Variants in FOXJ3 observed in about 807,000 individuals in gnomAD.
FOXJ3 encodes forkhead box protein J3.
In FOXJ3, 22 loss-of-function variants were observed where a neutral mutation model predicts 76.1. The ratio of observed to expected loss-of-function variants is 0.29; its 90% CI spans 0.21 to 0.41. The LOEUF (loss-of-function observed/expected upper bound fraction) is 0.41. Among genes scored for constraint, FOXJ3 ranks in the 10% least tolerant of loss-of-function variants. The pLI is 1.00. For missense variants in FOXJ3, 613 were observed against 762.1 expected (o/e 0.80, Z 2.30); for synonymous variants, 269 against 261.2 (o/e 1.03, Z -0.29).
intron 2 of FOXJ3, 128 bp from the exon 3 acceptor site, chr1:42,278,800 T>G (rs989842283): frequency 1.5e-6 from 1 of 664,722 alleles, no homozygotes; most frequent in East Asian, 2.6e-5. Context: ...GGAAAAAGAT[T>G]GAGTATGTTA....
chr1:42,323,585 G>A, intron 1 of FOXJ3: 1 of 367,890 alleles, frequency 2.7e-6, no homozygotes, highest in South Asian at 1.1e-4. Flanking sequence ...CGAAGCTTTT[G>A]TCATCATCAT....
rs1646489118 is a variant in FOXJ3, at chr1:42,188,902, C to T, written c.1480G>A (p.Asp494Asn). Residue 494 changes from aspartate (D) to asparagine (N), a missense_variant, in exon 11 of 13, where the codon GAT becomes AAT. Asp to Asn is a conservative substitution (Grantham distance 23, BLOSUM62 1). This residue lies in a region of FOXJ3 where 526 missense variants were observed against 601.4 expected (regional missense o/e 0.87). Coordinates refer to ENST00000361346, the MANE Select transcript of FOXJ3 (RefSeq NM_014947.5). ...TGGTCTAAAGACCAGTTCTTGAGAT[C>T]TGCCTGTCTCATACTCTCCATCAGA... is the stretch of plus-strand genomic sequence containing the variant. The part of the protein sequence containing the change: ...QGLMESMRQA[D>N]LKNWSLDQVQ... 6.2e-7 allele frequency: 1 copy of T among 1,610,140 alleles called. No individual in the cohort carries two copies. Among genetic ancestry groups the T allele is most frequent in the Non-Finnish European group, 8.5e-7 (1 of 1,177,396 alleles).
At chr1:42,209,684 A>G (rs1646928667) in intron 5 of FOXJ3, among the ~76,000 whole-genome samples, 1 of 152,324 alleles carries the variant, frequency 6.6e-6, no homozygotes, top group Middle Eastern at 3.4e-3. Context: ...TGGGGAGAAT[A>G]TGAGGAGAAG....
At chr1:42,278,718 T>A in intron 2 of FOXJ3, 46 bp from the exon 3 acceptor site, 2 of 1,346,950 alleles carry the variant, frequency 1.5e-6, no homozygotes, top group Non-Finnish European at 2.1e-6. Flanking sequence ...AAAGAACCCC[T>A]GCTTCTCAAA....
At chr1:42,294,386 A>G (rs1184728940) in intron 2 of FOXJ3, among the ~76,000 whole-genome samples, 1 of 152,210 alleles carries the variant, frequency 6.6e-6, no homozygotes, top group Non-Finnish European at 1.5e-5. Context: ...ACCTGATTCA[A>G]GCTGTTTACC....
intron 2 of FOXJ3, among the ~76,000 whole-genome samples, chr1:42,279,328 T>C (rs1652523679): frequency 6.6e-6 from 1 of 151,618 alleles, no homozygotes; most frequent in Non-Finnish European, 1.5e-5. Flanking sequence ...GAGAGAAAAA[T>C]TAAATTAGGC....
chr1:42,208,004 T>A lies in FOXJ3; in HGVS notation c.529-2141A>T, dbSNP rs538170596. On this transcript the variant is annotated intron_variant, in intron 5 of 12. Transcript: ENST00000361346. ...ACTCAGTCATCTCAGTCTGAACTAT[T>A]GGTTCACTAATTCTCATTCTTCCCT... 5.3e-5 allele frequency among the ~76,000 whole-genome samples: 8 copies of A among 152,372 alleles called. No homozygotes were observed. The South Asian group carries it at 1.7e-3, about 32-fold the overall frequency.
At chr1:42,288,051 C>G (rs554075778) in intron 2 of FOXJ3, among the ~76,000 whole-genome samples, 5 of 152,288 alleles carry the variant, frequency 3.3e-5, no homozygotes, top group African/African-American at 1.2e-4. Context: ...CTATAATTCT[C>G]ATCTTCAAAA....
intron 5 of FOXJ3, among the ~76,000 whole-genome samples, chr1:42,222,586 T>C (rs1177664733): frequency 6.6e-6 from 1 of 152,198 alleles, no homozygotes; most frequent in East Asian, 1.9e-4. Flanking sequence ...CTGATAAGCA[T>C]GAATTTTTAT....
At chr1:42,294,106 G>A (rs1653621128) in intron 2 of FOXJ3, among the ~76,000 whole-genome samples, 1 of 152,100 alleles carries the variant, frequency 6.6e-6, no homozygotes, top group South Asian at 2.1e-4. Flanking sequence ...AGGATACTCT[G>A]GATGTTCTAA....
In FOXJ3 at chr1:42,191,731, G is replaced by C. The variant is rs755520838; in HGVS notation, c.935-12C>G. 6.2e-7 allele frequency: 1 copy of C among 1,603,090 alleles called. No individual in the cohort carries two copies. Among genetic ancestry groups the C allele is most frequent in the Non-Finnish European group, 8.5e-7 (1 of 1,170,882 alleles). On this transcript the variant is annotated splice_polypyrimidine_tract_variant and intron_variant, in intron 8 of 12. Transcript: ENST00000361346. ...GATGTTCATCAAACCTAAAAACAAA[G>C]CAAGATCATTTATGGTCAGATTTCA...
chr1:42,287,528 A>C (rs551288059), intron 2 of FOXJ3, among the ~76,000 whole-genome samples: 1 of 152,084 alleles, frequency 6.6e-6, no homozygotes, highest in South Asian at 2.1e-4. Flanking sequence ...AACTTCTCCA[A>C]CTCTTCTCAC....
intron 5 of FOXJ3, among the ~76,000 whole-genome samples, chr1:42,222,185 C>T (rs781359390): frequency 1.3e-4 from 20 of 151,470 alleles, no homozygotes; most frequent in Admixed American, 3.9e-4. Flanking sequence ...ACCTGTCTTG[C>T]GCTTTGAGGG....
chr1:42,183,879 T>C (rs1646380542), intron 11 of FOXJ3, among the ~76,000 whole-genome samples: 1 of 152,054 alleles, frequency 6.6e-6, no homozygotes, highest in South Asian at 2.1e-4. Context: ...ACAGAGGAAA[T>C]GAGACAGAAC....
intron 1 of FOXJ3, chr1:42,323,737 G>T: frequency 1.0e-6 from 1 of 957,740 alleles, no homozygotes; most frequent in Non-Finnish European, 1.2e-6. Context: ...AGGTACTCAA[G>T]AGATATATGC....
chr1:42,235,394 C>T (rs879412728), intron 4 of FOXJ3, among the ~76,000 whole-genome samples: 7 of 152,176 alleles, frequency 4.6e-5, no homozygotes, highest in Non-Finnish European at 7.3e-5. Context: ...ACGCTCGGTG[C>T]GCTGCACCCA....
At chr1:42,302,561 G>C (rs1316728854) in intron 2 of FOXJ3, among the ~76,000 whole-genome samples, 5 of 152,192 alleles carry the variant, frequency 3.3e-5, no homozygotes, top group African/African-American at 1.2e-4. Flanking sequence ...GGTATGCCTA[G>C]GCATGGAGCT....
chr1:42,298,483 G>A (rs565333373), intron 2 of FOXJ3, among the ~76,000 whole-genome samples: 3 of 152,080 alleles, frequency 2.0e-5, no homozygotes, highest in Non-Finnish European at 4.4e-5. Flanking sequence ...AGTCTCTGAT[G>A]ATCTTTTGTA....
rs528802214 is a variant in FOXJ3 at position 42,189,382 on chromosome 1, C to A, written c.1374G>T (p.Ala458=). The stretch of plus-strand genomic sequence containing the variant: ...AGCTTTCTTTTAGCATATCAAGTGT[C>A]GCATACCAATCATTTGAAACACCTA... ...CNSGVSNDWY[A]TLDMLKESCR... is the part of the protein sequence containing the mutation. The change falls in exon 10 of 13, where the codon GCG becomes GCT. Residue 458 remains alanine (A), a synonymous_variant. Transcript: ENST00000361346. 2 of 1,612,170 alleles carry A rather than the reference C, an allele frequency of 1.2e-6. No homozygotes were observed. The highest frequency in any genetic ancestry group is 2.2e-5 in the South Asian group (2 of 90,960).
Sources: allele counts gnomAD v4.1 joint callset (sites outside exome capture counted in the v4.1 genomes callset), GRCh38; gene constraint gnomAD v4.1.1; regional missense constraint gnomAD v4.1.1; transcripts MANE v1.5; gene names NCBI Gene and HGNC (gene_info 2026-07-23, HGNC 2026-07-21).